Variants in ASAP1 observed in about 807,000 individuals in gnomAD.
ASAP1 encodes the protein ArfGAP with SH3 domain, ankyrin repeat and PH domain 1, also known as arf-GAP with SH3 domain, ANK repeat and PH domain-containing protein 1.
ASAP1 carries 43 observed loss-of-function variants against 145.2 expected under a neutral mutation model. That is an observed-to-expected ratio of 0.30 (90% CI 0.23 to 0.38). The LOEUF (loss-of-function observed/expected upper bound fraction) is 0.38, where lower values mean the gene tolerates loss of function less well. ASAP1 is among the 10% of genes least tolerant of loss of function. ASAP1 has a pLI of 1.00. For missense variants in ASAP1, 1,018 were observed against 1,355.3 expected (o/e 0.75, Z 3.91); for synonymous variants, 546 against 515.5 (o/e 1.06, Z -0.80).
intron 18 of ASAP1, among the ~76,000 whole-genome samples, chr8:130,121,784 C>CAAAAAAAAAAAAAAAAAAAA (rs56996962): frequency 3.9e-5 from 1 of 25,408 alleles, no homozygotes; most frequent in African/African-American, 8.8e-5. Context: ...AATTCCATCT[C>CAAAAAAAAAAAAAAAAAAAA]AAAAAAAAAA....
intron 2 of ASAP1, among the ~76,000 whole-genome samples, chr8:130,359,784 C>T (rs1421180554): frequency 2.0e-5 from 3 of 152,126 alleles, no homozygotes; most frequent in Non-Finnish European, 4.4e-5. Flanking sequence ...CCACCGCGCC[C>T]GGCTAATTTT....
At chr8:130,406,542 C>T (rs1169462935) in intron 1 of ASAP1, among the ~76,000 whole-genome samples, 2 of 150,160 alleles carry the variant, frequency 1.3e-5, no homozygotes, top group African/African-American at 4.9e-5. Context: ...AGTGCAGTGG[C>T]GCGATCTCTG....
At chr8:130,211,059 A>T (rs1816550096) in intron 5 of ASAP1, among the ~76,000 whole-genome samples, 1 of 152,214 alleles carries the variant, frequency 6.6e-6, no homozygotes, top group Non-Finnish European at 1.5e-5. Flanking sequence ...TGAGGCGGAA[A>T]CTAGGATTCC....
At chr8:130,295,223 C>G (rs1350970814) in intron 3 of ASAP1, among the ~76,000 whole-genome samples, 2 of 152,154 alleles carry the variant, frequency 1.3e-5, no homozygotes, top group African/African-American at 4.8e-5. Flanking sequence ...TTCAAGGCTA[C>G]AGTGAGCCAT....
chr8:130,159,293 C>T (rs184787292), intron 12 of ASAP1, among the ~76,000 whole-genome samples: 1 of 151,932 alleles, frequency 6.6e-6, no homozygotes, highest in East Asian at 1.9e-4. Flanking sequence ...GTTGGGTGGC[C>T]TGGTGAGCAA....
intron 13 of ASAP1, among the ~76,000 whole-genome samples, chr8:130,145,622 G>A (rs2097627263): frequency 6.6e-6 from 1 of 152,140 alleles, no homozygotes; most frequent in South Asian, 2.1e-4. Flanking sequence ...TCTTTAAAGC[G>A]AGGGCATCAT....
intron 2 of ASAP1, among the ~76,000 whole-genome samples, chr8:130,369,591 T>G (rs1159259236): frequency 6.6e-6 from 1 of 152,152 alleles, no homozygotes; most frequent in Non-Finnish European, 1.5e-5. Context: ...TCCAAAGATA[T>G]ACAAGTGGAT....
chr8:130,333,510 TG>T (rs1395088751), intron 3 of ASAP1, among the ~76,000 whole-genome samples: 1 of 152,112 alleles, frequency 6.6e-6, no homozygotes, highest in Non-Finnish European at 1.5e-5. Flanking sequence ...AGGCTGAGGC[TG>T]GAGAGTAGCT....
At chr8:130,057,147 GAA>G (rs917959750) in intron 29 of ASAP1, among the ~76,000 whole-genome samples, 3 of 152,210 alleles carry the variant, frequency 2.0e-5, no homozygotes, top group Non-Finnish European at 4.4e-5. Flanking sequence ...ACTGGATTAA[GAA>G]TTGAGTCTGA....
intron 24 of ASAP1, among the ~76,000 whole-genome samples, chr8:130,107,972 G>A (rs539494915): frequency 2.6e-5 from 4 of 152,228 alleles, no homozygotes; most frequent in Non-Finnish European, 5.9e-5. Flanking sequence ...GACACAGACT[G>A]ATCTGCCTTA....
intron 12 of ASAP1, among the ~76,000 whole-genome samples, chr8:130,154,696 G>T (rs1283155574): frequency 6.6e-6 from 1 of 152,146 alleles, no homozygotes; most frequent in Non-Finnish European, 1.5e-5. Flanking sequence ...AAATAATATT[G>T]TGCATTTAAC....
chr8:130,244,782 G>A (rs1445267780), intron 3 of ASAP1, among the ~76,000 whole-genome samples: 1 of 152,142 alleles, frequency 6.6e-6, no homozygotes, highest in Non-Finnish European at 1.5e-5. Flanking sequence ...TGTGGGCCAG[G>A]TGCTGTCCTA....
chr8:130,153,363 A>ATG (rs1322154126), intron 12 of ASAP1, among the ~76,000 whole-genome samples: 20 of 87,214 alleles, frequency 2.3e-4, no homozygotes, highest in African/African-American at 8.0e-4. Context: ...ATATATGTAT[A>ATG]TATATATATA....
chr8:130,405,207 C>T (rs1327008843), intron 1 of ASAP1, among the ~76,000 whole-genome samples: 1 of 152,120 alleles, frequency 6.6e-6, no homozygotes, highest in African/African-American at 2.4e-5. Flanking sequence ...TGCAGAATTC[C>T]CACCTCCTTG....
At chr8:130,327,889 G>T (rs1824439231) in intron 3 of ASAP1, among the ~76,000 whole-genome samples, 1 of 152,146 alleles carries the variant, frequency 6.6e-6, no homozygotes, top group African/African-American at 2.4e-5. Context: ...TATGCTACGT[G>T]AATTAAGCAC....
intron 2 of ASAP1, among the ~76,000 whole-genome samples, chr8:130,379,934 C>T (rs1353010735): frequency 2.0e-5 from 3 of 152,198 alleles, no homozygotes; most frequent in Non-Finnish European, 4.4e-5. Flanking sequence ...TCCTTGTCCT[C>T]AGGCTCAAGG....
At chr8:130,099,802 G>GTGCTGGGAT (rs1366073260) in intron 24 of ASAP1, among the ~76,000 whole-genome samples, 2 of 150,014 alleles carry the variant, frequency 1.3e-5, no homozygotes, top group Non-Finnish European at 2.9e-5. Flanking sequence ...GCCTCCCAAA[G>GTGCTGGGAT]TGCTGGGATT....
chr8:130,127,785 A>G lies in ASAP1; in HGVS notation c.1381+142T>C, dbSNP rs140960440. 7.6e-4 allele frequency: 751 copies of G among 986,396 alleles called. 6 individuals are homozygous for G. In the African/African-American group the frequency reaches 0.012, roughly 15 times the overall value. The allele number at this position is 986,396 out of a possible 1,614,324, so 61.1% of individuals were successfully genotyped here. A position where few individuals can be genotyped will look rare whatever the true frequency, so the allele number is the denominator to read the frequency against. On this transcript the variant is annotated intron_variant, in intron 16 of 29. Transcript: ENST00000518721. ...GGTAAAAGCAGCTCAGCGGTAGGAA[A>G]AATCACGTTGGGAATACGTGTTTTG...
At chr8:130,070,750 A>G in intron 27 of ASAP1, among the ~76,000 whole-genome samples, 1 of 149,440 alleles carries the variant, frequency 6.7e-6, no homozygotes. Flanking sequence ...TCCACAATAA[A>G]ATGGAAATGG....
Sources: gnomAD v4.1 joint callset for allele counts (sites outside exome capture counted in the v4.1 genomes callset) on GRCh38, gnomAD v4.1.1 for gene constraint, MANE v1.5 for transcripts, NCBI Gene and HGNC (gene_info 2026-07-23, HGNC 2026-07-21) for gene names.